SMAD2: variants seen among roughly 807,000 people sequenced by gnomAD.
SMAD2 encodes MAD homolog 2.
In SMAD2, 8 loss-of-function variants were observed where a neutral mutation model predicts 64.4. That is an observed-to-expected ratio of 0.12 (90% CI 0.07 to 0.22). The LOEUF (loss-of-function observed/expected upper bound fraction) is 0.22. SMAD2 is among the 10% of genes least tolerant of loss of function. The pLI is 1.00. For synonymous variants in SMAD2, 203 were observed against 195.8 expected (o/e 1.04, Z -0.31); for missense variants, 289 against 561.2 (o/e 0.51, Z 4.90).
intron 2 of SMAD2, among the ~76,000 whole-genome samples, chr18:47,871,080 TAAAG>T (rs1020742675): frequency 2.0e-4 from 31 of 152,302 alleles, no homozygotes; most frequent in East Asian, 7.7e-4. Context: ...CTAGAATAAA[TAAAG>T]AAATAGACTT....
At chr18:47,871,720 A>T in intron 2 of SMAD2, among the ~76,000 whole-genome samples, 1 of 152,258 alleles carries the variant, frequency 6.6e-6, no homozygotes, top group East Asian at 1.9e-4. Context: ...AGAAAAAGCC[A>T]GGTAAATTAA....
rs376387344 is a variant in SMAD2 at position 47,860,576 on chromosome 18, C to A, written c.730+4483G>T. ...AGGATTACAGGCAAGAACTACCATG[C>A]CCAGCCCTATCAAAAATTTAAGAAA... On this transcript the variant is annotated intron_variant, in intron 6 of 10. Coordinates refer to ENST00000262160, the MANE Select transcript of SMAD2 (RefSeq NM_005901.6). 3.9e-5 allele frequency among the ~76,000 whole-genome samples: 6 copies of A among 152,188 alleles called. No homozygotes were observed. The East Asian group carries it at 1.2e-3, about 29-fold the overall frequency.
In SMAD2 at chr18:47,841,792, A is replaced by T. The variant is rs1481832069; in HGVS notation, c.*35T>A. 3.7e-6 allele frequency: 6 copies of T among 1,613,584 alleles called. No homozygotes were observed. Among genetic ancestry groups the T allele is most frequent in the Non-Finnish European group, 4.2e-6 (5 of 1,179,514 alleles). On this transcript the variant is annotated 3_prime_UTR_variant, in exon 11 of 11. Coordinates refer to ENST00000262160, the MANE Select transcript of SMAD2 (RefSeq NM_005901.6). ...AATGCTATGACAGAAGAGTTGTTAC[A>T]TTAAGTCTTTTCATGGGACTTGATT...
At position 47,827,419 on chromosome 18, in the gene SMAD2, A is replaced by G. The variant is rs1225387930; in HGVS notation, c.*14408T>C. The G allele has an allele frequency of 6.6e-6, 1 of 152,216 alleles. No homozygotes were observed. The highest frequency in any genetic ancestry group is 1.5e-5 in the Non-Finnish European group (1 of 68,048). 9.4% of individuals were successfully genotyped at this position (152,216 alleles called of 1,614,324 possible). Reference sequence around the variant, plus strand: ...GTAAATTGTGAATTAAGACATTATTACTTGGTGGCAATAACGGTTAGAAAA... The same window carrying G: ...GTAAATTGTGAATTAAGACATTATTGCTTGGTGGCAATAACGGTTAGAAAA... On this transcript the variant is annotated 3_prime_UTR_variant, in exon 11 of 11. Transcript: ENST00000262160.
At chr18:47,853,546 T>TA (rs1373929232) in intron 6 of SMAD2, 5 of 177,900 alleles carry the variant, frequency 2.8e-5, no homozygotes, top group African/African-American at 1.2e-4. Flanking sequence ...AAAAAAAGAG[T>TA]AAGATAGGTC....
intron 6 of SMAD2, among the ~76,000 whole-genome samples, chr18:47,856,292 T>C (rs994533026): frequency 6.6e-6 from 1 of 152,166 alleles, no homozygotes; most frequent in Non-Finnish European, 1.5e-5. Context: ...GGACTACAGT[T>C]ACAATATTGT....
intron 1 of SMAD2, among the ~76,000 whole-genome samples, chr18:47,919,065 A>C (rs2034450392): frequency 6.6e-6 from 1 of 152,178 alleles, no homozygotes; most frequent in Non-Finnish European, 1.5e-5. Flanking sequence ...AAAGACAAAG[A>C]AAGGGCTTAA....
chr18:47,848,679 G>A lies in SMAD2; in HGVS notation c.793C>T (p.Pro265Ser), dbSNP rs2144301071. 6.2e-7 allele frequency: 1 copy of A among 1,608,786 alleles called. No homozygotes were observed. The highest frequency in any genetic ancestry group is 8.5e-7 in the Non-Finnish European group (1 of 1,176,246). The change falls in exon 8 of 11, where the codon CCA becomes TCA. Residue 265 changes from proline (P) to serine (S), a missense_variant. Physicochemically the swap from Pro to Ser is moderately conservative, Grantham distance 74. This residue lies in a region of SMAD2 where 119 missense variants were observed against 156.7 expected (regional missense o/e 0.76). Coordinates refer to ENST00000262160, the MANE Select transcript of SMAD2 (RefSeq NM_005901.6). ...AATGCAGGTTCTGAGTAAGTAACTG[G>A]CTGTAAATCTGAAAAAGAAAAAAAT... ...SPVNHSLDLQ[P>S]VTYSEPAFWC...
chr18:47,903,068 A>C (rs1043711814), intron 1 of SMAD2, among the ~76,000 whole-genome samples: 2 of 152,084 alleles, frequency 1.3e-5, no homozygotes, highest in African/African-American at 2.4e-5. Context: ...GGAGCTTAAG[A>C]TCTCCCATAA....
chr18:47,845,819 G>A lies in SMAD2; in HGVS notation c.998-19C>T, dbSNP rs773426373. ...CCTCTTCCTGAAACAAAATACAAAT[G>A]AGATTAGTTTTGTAACATTTACTAT... is the stretch of plus-strand genomic sequence containing the variant. On this transcript the variant is annotated intron_variant, in intron 8 of 10. Transcript: ENST00000262160. 1 of 1,611,000 alleles carries A rather than the reference G, an allele frequency of 6.2e-7. No individual in the cohort carries two copies. The highest frequency in any genetic ancestry group is 8.5e-7 in the Non-Finnish European group (1 of 1,177,276).
At chr18:47,842,307 C>T (rs1347441788) in intron 10 of SMAD2, among the ~76,000 whole-genome samples, 1 of 152,038 alleles carries the variant, frequency 6.6e-6, no homozygotes, top group Non-Finnish European at 1.5e-5. Context: ...TTTGGGAGGC[C>T]GAGGCAGGCG....
rs1912951469 is a variant in SMAD2 at position 47,830,639 on chromosome 18, A to G, written c.*11188T>C. The G allele has an allele frequency of 6.6e-6, 1 of 151,930 alleles. No individual in the cohort carries two copies. Among genetic ancestry groups the G allele is most frequent in the African/African-American group, 2.4e-5 (1 of 41,362 alleles). The allele number at this position is 151,930 out of a possible 1,614,324, so 9.4% of individuals were successfully genotyped here. A position where few individuals can be genotyped will look rare whatever the true frequency, so the allele number is the denominator to read the frequency against. On this transcript the variant is annotated 3_prime_UTR_variant, in exon 11 of 11. Coordinates refer to ENST00000262160, the MANE Select transcript of SMAD2 (RefSeq NM_005901.6). ...CACATTTCTAAATGGCAAACCATTT[A>G]GAAGTGAGTCATCATTTGTATTAAA...
At chr18:47,903,592 C>G (rs2033775497) in intron 1 of SMAD2, among the ~76,000 whole-genome samples, 1 of 151,996 alleles carries the variant, frequency 6.6e-6, no homozygotes. Flanking sequence ...TCAAAAATTA[C>G]AAGATACAGG....
At position 47,829,366 on chromosome 18, in the gene SMAD2, T is replaced by G. The variant is rs1380611720; in HGVS notation, c.*12461A>C. 6.6e-6 allele frequency: 1 copy of G among 151,806 alleles called. No homozygotes were observed. The highest frequency in any genetic ancestry group is 1.9e-4 in the East Asian group (1 of 5,184). 9.4% of individuals were successfully genotyped at this position (151,806 alleles called of 1,614,324 possible). ...TTACCCATAAATGTTTCATTCTGTA[T>G]CTCTAAAACATTGTCTCTAGACCTC... On this transcript the variant is annotated 3_prime_UTR_variant, in exon 11 of 11. Transcript: ENST00000262160.
chr18:47,903,874 T>G (rs948602), intron 1 of SMAD2, among the ~76,000 whole-genome samples: 36 of 59,210 alleles, frequency 6.1e-4, no homozygotes, highest in Admixed American at 1.3e-3. Context: ...GAAAAAACAG[T>G]GTGGGGGGGG....
chr18:47,874,816 G>A (rs1481508916), intron 2 of SMAD2, among the ~76,000 whole-genome samples: 2 of 152,154 alleles, frequency 1.3e-5, no homozygotes, highest in Non-Finnish European at 2.9e-5. Context: ...ATGTGTATAT[G>A]CATGCTTGTA....
chr18:47,901,512 TTTC>T (rs1363382819), intron 1 of SMAD2, among the ~76,000 whole-genome samples: 1 of 152,196 alleles, frequency 6.6e-6, no homozygotes, highest in Non-Finnish European at 1.5e-5. Flanking sequence ...TTATATTTTC[TTTC>T]TTGTCTTCTT....
At chr18:47,905,528 C>T (rs1366724540) in intron 1 of SMAD2, among the ~76,000 whole-genome samples, 1 of 150,818 alleles carries the variant, frequency 6.6e-6, no homozygotes, top group African/African-American at 2.4e-5. Flanking sequence ...CACCTTATTT[C>T]AAGGCTTACT....
intron 8 of SMAD2, among the ~76,000 whole-genome samples, chr18:47,847,569 T>C (rs1476441832): frequency 6.6e-6 from 1 of 151,624 alleles, no homozygotes; most frequent in Non-Finnish European, 1.5e-5. Flanking sequence ...AAAAAATTCA[T>C]TTAAAAATCA....
Sources: gnomAD v4.1 joint callset for allele counts (sites outside exome capture counted in the v4.1 genomes callset) on GRCh38, gnomAD v4.1.1 for gene constraint, gnomAD v4.1.1 regional missense constraint, MANE v1.5 for transcripts, NCBI Gene and HGNC (gene_info 2026-07-23, HGNC 2026-07-21) for gene names.